Variants in NLRP3 observed in about 807,000 individuals in gnomAD.
NLRP3 encodes the protein NACHT, LRR and PYD domains-containing protein 3.
NLRP3 carries 48 observed loss-of-function variants against 91.3 expected under a neutral mutation model. The ratio of observed to expected loss-of-function variants is 0.53; its 90% CI spans 0.42 to 0.67. The LOEUF is 0.67. Among genes scored for constraint, NLRP3 ranks in the 30% least tolerant of loss-of-function variants. The pLI, the probability that NLRP3 is intolerant of heterozygous loss-of-function variation, is 0.00. For synonymous variants in NLRP3, 561 were observed against 507.9 expected (o/e 1.10, Z -1.41); for missense variants, 982 against 1,276.9 (o/e 0.77, Z 3.52).
chr1:247,433,968 T>G, intron 5 of NLRP3, 135 bp from the exon 6 acceptor site: 1 of 389,460 alleles, frequency 2.6e-6, no homozygotes, highest in South Asian at 2.0e-5. Flanking sequence ...ATTCCGGAGC[T>G]CTCTGATCAG....
intron 7 of NLRP3, 75 bp from the exon 8 acceptor site, chr1:247,443,897 G>A (rs1664411825): frequency 7.0e-7 from 1 of 1,432,202 alleles, no homozygotes; most frequent in South Asian, 1.2e-5. Flanking sequence ...AGAGGACGAG[G>A]CACTGAGTCA....
In NLRP3 at chr1:247,425,571, A is replaced by G. The variant is rs961165841; in HGVS notation, c.2122A>G (p.Ser708Gly). 1 of 1,609,294 alleles carries G rather than the reference A, an allele frequency of 6.2e-7. No individual in the cohort carries two copies. Among genetic ancestry groups the G allele is most frequent in the African/African-American group, 1.3e-5 (1 of 75,032 alleles). The change falls in exon 4 of 10, where the codon AGC (serine) becomes GGC (glycine). Residue 708 changes from serine to glycine, a missense_variant. Physicochemically the swap from Ser to Gly is moderately conservative, Grantham distance 56. Around this residue, in one of 5 missense-constraint regions of NLRP3, gnomAD observed 373 missense variants for 431.5 expected, o/e 0.86. Transcript: ENST00000336119. The surrounding 1 kb of genome is among the most constrained non-coding windows in gnomAD (Gnocchi z 4.1). ...TGATATGGTGCAGTGTGTCCTCCCA[A>G]GCTCCTCTCATGCTGCCTGTTCTCA... ...HLDMVQCVLPSSSHAACSHGL... is the reference protein window; with the variant it reads ...HLDMVQCVLPGSSHAACSHGL...
chr1:247,428,683 A>G (rs980382743), intron 4 of NLRP3, among the ~76,000 whole-genome samples: 1 of 152,130 alleles, frequency 6.6e-6, no homozygotes, highest in Admixed American at 6.5e-5. Context: ...AGCTGGACAC[A>G]GTGACTCGTG....
chr1:247,448,519 C>T lies in NLRP3; in HGVS notation c.*15C>T, dbSNP rs1307734972. ...CTTCTTGGTAGGAGTGGAAACGGGG[C>T]TGCCAGACGCCAGTGTTCTCCGGTC... is the stretch of plus-strand genomic sequence containing the variant. On this transcript the variant is annotated 3_prime_UTR_variant, in exon 10 of 10. Coordinates refer to ENST00000336119, the MANE Select transcript of NLRP3 (RefSeq NM_001243133.2). 1.3e-6 allele frequency: 2 copies of T among 1,510,276 alleles called. No individual in the cohort carries two copies. The allele number at this position is 1,510,276 out of a possible 1,614,324, so 93.6% of individuals were successfully genotyped here.
chr1:247,442,737 T>C (rs567588965), intron 7 of NLRP3, among the ~76,000 whole-genome samples: 5 of 152,196 alleles, frequency 3.3e-5, no homozygotes, highest in Admixed American at 6.5e-5. Flanking sequence ...TAGTTTTAGC[T>C]GCACTCCTTC....
At chr1:247,435,243 T>TA (rs962079638) in intron 6 of NLRP3, among the ~76,000 whole-genome samples, 5 of 151,654 alleles carry the variant, frequency 3.3e-5, no homozygotes, top group Non-Finnish European at 5.9e-5. Context: ...GAGGAAGCAT[T>TA]AAAAAAAACA....
chr1:247,436,069 C>G lies in NLRP3; in HGVS notation c.2592C>G (p.Ala864=), dbSNP rs1042922617. ...CCAGACTCTATGTGGGGGAGAATGC[C>G]TTGGGAGACTCAGGAGTCGCAATTT... ...SLTRLYVGEN[A]LGDSGVAILC... is the part of the protein sequence containing the mutation. The change falls in exon 7 of 10, where the codon GCC becomes GCG. Residue 864 remains alanine, a synonymous_variant. Coordinates refer to ENST00000336119, the MANE Select transcript of NLRP3 (RefSeq NM_001243133.2). 4 of 1,614,022 alleles carry G rather than the reference C, an allele frequency of 2.5e-6. No homozygotes were observed. The highest frequency in any genetic ancestry group is 3.4e-6 in the Non-Finnish European group (4 of 1,180,028).
intron 7 of NLRP3, among the ~76,000 whole-genome samples, chr1:247,436,483 CG>C (rs1663799724): frequency 6.6e-6 from 1 of 152,268 alleles, no homozygotes; most frequent in East Asian, 1.9e-4. Context: ...TGCAAGTTAT[CG>C]CATAGTGCAT....
At chr1:247,447,201 G>C (rs1162474771) in intron 9 of NLRP3, among the ~76,000 whole-genome samples, 1 of 152,188 alleles carries the variant, frequency 6.6e-6, no homozygotes, top group Non-Finnish European at 1.5e-5. Context: ...AGTCTCTGAT[G>C]AATTTGGTTG....
intron 3 of NLRP3, 66 bp from the exon 4 acceptor site, chr1:247,423,781 C>T: frequency 7.0e-7 from 1 of 1,433,148 alleles, no homozygotes; most frequent in Non-Finnish European, 9.7e-7. Context: ...TGACAGGCCC[C>T]AGCTGAGAGC....
intron 9 of NLRP3, among the ~76,000 whole-genome samples, chr1:247,448,008 G>C (rs1261104345): frequency 6.9e-6 from 1 of 144,436 alleles, no homozygotes; most frequent in African/African-American, 2.7e-5. Context: ...TGGGCACTTA[G>C]AGCTTTTTTT....
intron 5 of NLRP3, 36 bp from the exon 6 acceptor site, chr1:247,434,067 G>T: frequency 6.2e-7 from 1 of 1,611,778 alleles, no homozygotes; most frequent in Non-Finnish European, 8.5e-7. Flanking sequence ...GGTCAGGTGT[G>T]TTCTGATGCT....
intron 7 of NLRP3, among the ~76,000 whole-genome samples, chr1:247,442,365 G>A (rs1452646075): frequency 1.3e-5 from 2 of 152,174 alleles, no homozygotes; most frequent in Admixed American, 1.3e-4. Flanking sequence ...GCAATCACCT[G>A]CGCTATTCCT....
intron 7 of NLRP3, among the ~76,000 whole-genome samples, chr1:247,439,045 C>CATCCATCCATCCATCCATCT (rs72082521): frequency 0.1 from 14,982 of 150,382 alleles, 1,173 homozygotes; most frequent in African/African-American, 0.2. Flanking sequence ...TCCATCCATC[C>CATCCATCCATCCATCCATCT]ATCCATCCAT....
chr1:247,423,909 G>C lies in NLRP3; in HGVS notation c.460G>C (p.Ala154Pro). The C allele has an allele frequency of 6.2e-7, 1 of 1,614,040 alleles. No individual in the cohort carries two copies. Among genetic ancestry groups the C allele is most frequent in the African/African-American group, 1.3e-5 (1 of 75,040 alleles). ...ATTCCAGTGCATTGAAGACAGGAAT[G>C]CCCGTCTGGGTGAGAGTGTGAGCCT... Reference protein sequence around the residue: ...SRFQCIEDRNARLGESVSLNK... With the variant: ...SRFQCIEDRNPRLGESVSLNK... Residue 154 changes from alanine (A) to proline (P), a missense_variant, in exon 4 of 10, where the codon GCC becomes CCC. Coordinates refer to ENST00000336119, the MANE Select transcript of NLRP3 (RefSeq NM_001243133.2).
chr1:247,419,142 C>CTT (rs1662266355), intron 2 of NLRP3, 65 bp downstream of exon 2: 1 of 1,205,552 alleles, frequency 8.3e-7, no homozygotes, highest in Admixed American at 2.3e-5. Flanking sequence ...AATTTTCCAT[C>CTT]TTTATATATA....
chr1:247,431,252 C>A (rs1403770524), intron 5 of NLRP3, among the ~76,000 whole-genome samples: 2 of 152,146 alleles, frequency 1.3e-5, no homozygotes, highest in Non-Finnish European at 2.9e-5. Context: ...ATCAGATTCA[C>A]ACGCCCCACC....
chr1:247,427,174 A>G (rs921647950), intron 4 of NLRP3, among the ~76,000 whole-genome samples: 2 of 152,118 alleles, frequency 1.3e-5, no homozygotes, highest in Non-Finnish European at 2.9e-5. Context: ...TGAAGAGGCA[A>G]GGCAGCTCTC....
At position 247,448,714 on chromosome 1, in the gene NLRP3, T is replaced by C. The variant is rs199852199; in HGVS notation, c.*210T>C. ...CAGGGTGAGGAAGACACCAGGACAA[T>C]GACAGCATCGGGTGTTGTTGTCATC... is the stretch of plus-strand genomic sequence containing the variant. On this transcript the variant is annotated 3_prime_UTR_variant, in exon 10 of 10. Transcript: ENST00000336119. 77 of 612,450 alleles carry C rather than the reference T, an allele frequency of 1.3e-4. No homozygotes were observed. The African/African-American group carries it at 1.3e-3, about 11-fold the overall frequency. 37.9% of individuals were successfully genotyped at this position (612,450 alleles called of 1,614,324 possible).
Sources: gnomAD v4.1 joint callset for allele counts (sites outside exome capture counted in the v4.1 genomes callset) on GRCh38, gnomAD v4.1.1 for gene constraint, gnomAD v4.1.1 regional missense constraint, Gnocchi (gnomAD v3.1) non-coding constraint, MANE v1.5 for transcripts, NCBI Gene and HGNC (gene_info 2026-07-23, HGNC 2026-07-21) for gene names.